The following SH3RF1 variants were observed in gnomAD, a reference collection of about 807,000 sequenced individuals.
SH3RF1 encodes SH3 domain containing ring finger 1.
Under a neutral mutation model 74.0 loss-of-function variants are expected in SH3RF1, and 32 were observed. The observed-to-expected ratio is 0.43, with a 90% CI of 0.33 to 0.58. SH3RF1 has a LOEUF of 0.58. SH3RF1 is among the 20% of genes least tolerant of loss of function. The pLI, the probability that SH3RF1 is intolerant of heterozygous loss-of-function variation, is 0.05. For synonymous variants in SH3RF1, 396 were observed against 439.6 expected, an observed-to-expected ratio of 0.90 and a Z score of 1.24; for missense variants, 954 against 1,130.9, an observed-to-expected ratio of 0.84 and a Z score of 2.24.
chr4:169,253,305 G>C (rs1490188248), intron 2 of SH3RF1, among the ~76,000 whole-genome samples: 1 of 152,180 alleles, frequency 6.6e-6, no homozygotes, highest in Non-Finnish European at 1.5e-5. Flanking sequence ...TTACTTATTT[G>C]TAAGTATCAG....
chr4:169,230,339 C>T (rs1399174830), intron 2 of SH3RF1, among the ~76,000 whole-genome samples: 1 of 152,084 alleles, frequency 6.6e-6, no homozygotes, highest in Admixed American at 6.6e-5. Flanking sequence ...GCCGTGGATG[C>T]CCCATCCACT....
At chr4:169,107,359 T>A (rs1251301250) in intron 10 of SH3RF1, among the ~76,000 whole-genome samples, 154 bp from the exon 11 acceptor site, 1 of 152,208 alleles carries the variant, frequency 6.6e-6, no homozygotes, top group Non-Finnish European at 1.5e-5. Context: ...GTTTCAATGT[T>A]CGGTTTGATC....
intron 2 of SH3RF1, among the ~76,000 whole-genome samples, chr4:169,157,602 C>T (rs1468013687): frequency 2.0e-5 from 3 of 152,188 alleles, no homozygotes; most frequent in Admixed American, 6.5e-5. Context: ...AGCGCTGTTG[C>T]ATATCGTTGA....
At chr4:169,251,845 TC>T in intron 2 of SH3RF1, among the ~76,000 whole-genome samples, 1 of 152,336 alleles carries the variant, frequency 6.6e-6, no homozygotes, top group Non-Finnish European at 1.5e-5. Flanking sequence ...ACAATTCCAT[TC>T]TTTAACCTCT....
At chr4:169,133,823 T>C (rs906316146) in intron 5 of SH3RF1, among the ~76,000 whole-genome samples, 2 of 151,840 alleles carry the variant, frequency 1.3e-5, no homozygotes, top group Non-Finnish European at 2.9e-5. Flanking sequence ...AAGGTTAACA[T>C]GTGTAAGGAA....
intron 11 of SH3RF1, among the ~76,000 whole-genome samples, chr4:169,101,643 A>T (rs1733036694): frequency 6.6e-6 from 1 of 151,862 alleles, no homozygotes; most frequent in Non-Finnish European, 1.5e-5. Flanking sequence ...AAGATATATG[A>T]ATGAATAAAA....
rs572793726 is a variant in SH3RF1, at chr4:169,124,576, T to C, written c.1180-2310A>G. On this transcript the variant is annotated intron_variant, in intron 6 of 11. Transcript: ENST00000284637. ...CTGAAACATAAATGGTTTAATACAA[T>C]TGGGCAGATCTTTTCCCAGTGCATG... 6.6e-5 allele frequency among the ~76,000 whole-genome samples: 10 copies of C among 152,330 alleles called. No homozygotes were observed. The East Asian group carries it at 1.3e-3, about 21-fold the overall frequency.
intron 6 of SH3RF1, among the ~76,000 whole-genome samples, chr4:169,127,538 C>A (rs2126949616): frequency 6.6e-6 from 1 of 152,330 alleles, no homozygotes; most frequent in East Asian, 1.9e-4. Context: ...ACCTACCAGG[C>A]ACTCTGAGAT....
intron 2 of SH3RF1, among the ~76,000 whole-genome samples, chr4:169,158,762 A>C (rs1210127167): frequency 1.3e-5 from 2 of 152,234 alleles, no homozygotes; most frequent in Middle Eastern, 3.2e-3. Flanking sequence ...AAAGTGGATC[A>C]AAGTTTTATA....
chr4:169,108,410 A>G (rs1733183172), intron 10 of SH3RF1, among the ~76,000 whole-genome samples: 1 of 152,226 alleles, frequency 6.6e-6, no homozygotes, highest in South Asian at 2.1e-4. Flanking sequence ...AGTATGGCAG[A>G]AAAAAGGAGA....
At chr4:169,162,558 C>T (rs1734166379) in intron 2 of SH3RF1, among the ~76,000 whole-genome samples, 1 of 152,186 alleles carries the variant, frequency 6.6e-6, no homozygotes, top group South Asian at 2.1e-4. Flanking sequence ...CTACCTCCCA[C>T]CTACCCCAAA....
chr4:169,148,393 C>G (rs1221204502), intron 4 of SH3RF1, among the ~76,000 whole-genome samples: 1 of 152,110 alleles, frequency 6.6e-6, no homozygotes, highest in Non-Finnish European at 1.5e-5. Context: ...GTCATAAAAA[C>G]TGATGTTTAG....
intron 2 of SH3RF1, among the ~76,000 whole-genome samples, chr4:169,209,666 A>AT (rs1491575102): frequency 6.6e-6 from 1 of 152,244 alleles, no homozygotes; most frequent in East Asian, 1.9e-4. Flanking sequence ...ACACTGTGAC[A>AT]TAAATATACT....
intron 6 of SH3RF1, among the ~76,000 whole-genome samples, chr4:169,124,554 A>AAACATAAATGGTTTAATAC (rs1733494340): frequency 1.3e-5 from 2 of 152,228 alleles, no homozygotes; most frequent in Non-Finnish European, 2.9e-5. Flanking sequence ...TCTGTGGCTG[A>AAACATAAATGGTTTAATAC]AACATAAATG....
intron 6 of SH3RF1, among the ~76,000 whole-genome samples, chr4:169,123,348 A>C (rs1326713283): frequency 6.6e-6 from 1 of 152,224 alleles, no homozygotes; most frequent in African/African-American, 2.4e-5. Context: ...AGTGGAAAAA[A>C]ATTTCAAATT....
chr4:169,102,765 T>A (rs557707856), intron 11 of SH3RF1, among the ~76,000 whole-genome samples: 1 of 152,130 alleles, frequency 6.6e-6, no homozygotes, highest in Non-Finnish European at 1.5e-5. Context: ...CACAGAAGAA[T>A]CCTTTTGTTC....
chr4:169,159,266 C>T (rs1734114032), intron 2 of SH3RF1, among the ~76,000 whole-genome samples: 1 of 152,250 alleles, frequency 6.6e-6, no homozygotes, highest in Non-Finnish European at 1.5e-5. Context: ...TCACAGATGC[C>T]TCATTATATT....
intron 2 of SH3RF1, among the ~76,000 whole-genome samples, chr4:169,261,179 C>T (rs535030990): frequency 1.6e-4 from 24 of 152,298 alleles, no homozygotes; most frequent in African/African-American, 4.8e-4. Context: ...AGAGAAACCC[C>T]ACAGCCAGCC....
At chr4:169,184,764 C>T (rs1017104178) in intron 2 of SH3RF1, among the ~76,000 whole-genome samples, 2 of 151,954 alleles carry the variant, frequency 1.3e-5, no homozygotes, top group African/African-American at 4.8e-5. Flanking sequence ...TAGAATATGC[C>T]AAAACAAAGT....
Sources: allele counts gnomAD v4.1 joint callset (sites outside exome capture counted in the v4.1 genomes callset), GRCh38; gene constraint gnomAD v4.1.1; transcripts MANE v1.5; gene names NCBI Gene and HGNC (gene_info 2026-07-23, HGNC 2026-07-21).